Variants in GOLM2 observed in about 807,000 individuals in gnomAD.
GOLM2 encodes golgi membrane protein 2, also known as protein GOLM2.
GOLM2 carries 26 observed loss-of-function variants against 55.9 expected under a neutral mutation model. The ratio of observed to expected loss-of-function variants is 0.47; its 90% CI spans 0.34 to 0.65. The LOEUF (loss-of-function observed/expected upper bound fraction) is 0.65. GOLM2 is among the 30% of genes least tolerant of loss of function. The probability of loss-of-function intolerance (pLI) is 0.01; values close to 1 mark genes in which losing one functional copy is unlikely to be tolerated. For missense variants in GOLM2, 486 were observed against 531.8 expected (o/e 0.91, Z 0.85); for synonymous variants, 165 against 194.6 (o/e 0.85, Z 1.27).
intron 1 of GOLM2, among the ~76,000 whole-genome samples, chr15:44,318,818 T>C (rs1049786132): frequency 9.2e-5 from 14 of 152,182 alleles, no homozygotes; most frequent in Non-Finnish European, 1.6e-4. Flanking sequence ...AGACCCTTCA[T>C]AATTGTGAAC....
chr15:44,295,878 AAC>A (rs1393976275), intron 1 of GOLM2, among the ~76,000 whole-genome samples: 2 of 151,452 alleles, frequency 1.3e-5, no homozygotes, highest in Admixed American at 6.6e-5. Context: ...ATTTGGGGGA[AAC>A]ACAGTTCATC....
At chr15:44,337,617 T>C (rs764086731) in intron 4 of GOLM2, 146 bp from the exon 5 acceptor site, 6 of 561,022 alleles carry the variant, frequency 1.1e-5, no homozygotes, top group Non-Finnish European at 1.5e-5. Context: ...CAGAAAATAA[T>C]GTATCCTGCA....
rs1813548695 is a variant in GOLM2 at position 44,338,306 on chromosome 15, A to G, written c.791A>G (p.Asp264Gly). The G allele has an allele frequency of 1.9e-6, 3 of 1,612,608 alleles. No homozygotes were observed. Among genetic ancestry groups the G allele is most frequent in the African/African-American group, 2.7e-5 (2 of 74,906 alleles). The change falls in exon 6 of 10, where the codon GAT (aspartate) becomes GGT (glycine). Residue 264 changes from aspartate to glycine, a missense_variant. Asp to Gly is a moderately conservative substitution (Grantham distance 94). Coordinates refer to ENST00000299957, the MANE Select transcript of GOLM2 (RefSeq NM_138423.4). ...GAGAATGACCTAGCAAAAGTTGATG[A>G]TCTTCCCCCTGGTAAGTAAAAATTG... ...IEENDLAKVD[D>G]LPPALRKPPI...
chr15:44,385,938 G>A (rs1229467982), intron 8 of GOLM2, among the ~76,000 whole-genome samples: 1 of 152,188 alleles, frequency 6.6e-6, no homozygotes, highest in Non-Finnish European at 1.5e-5. Flanking sequence ...CTGGTTACTA[G>A]ACCCTAATCA....
At chr15:44,412,859 CAGGCATGG>C (rs1315935005) in intron 9 of GOLM2, among the ~76,000 whole-genome samples, 3 of 151,922 alleles carry the variant, frequency 2.0e-5, no homozygotes, top group East Asian at 3.9e-4. Flanking sequence ...AGAAATTAGC[CAGGCATGG>C]TGACAGGTGC....
intron 1 of GOLM2, among the ~76,000 whole-genome samples, chr15:44,311,728 C>A (rs2078876601): frequency 6.6e-6 from 1 of 152,142 alleles, no homozygotes; most frequent in South Asian, 2.1e-4. Context: ...TGGCTCACTG[C>A]AACCTCTGCC....
At chr15:44,319,105 G>A (rs984973401) in intron 1 of GOLM2, among the ~76,000 whole-genome samples, 11 of 152,138 alleles carry the variant, frequency 7.2e-5, no homozygotes, top group Admixed American at 2.0e-4. Context: ...CTGTAGAACC[G>A]AATGATAGCA....
chr15:44,327,592 CT>C (rs142367829), intron 2 of GOLM2, among the ~76,000 whole-genome samples: 10,087 of 152,106 alleles, frequency 0.066, 581 homozygotes, highest in African/African-American at 0.16. Context: ...GTATAGGCCC[CT>C]GTTTTCATTT....
At chr15:44,380,432 T>C (rs1279094081) in intron 7 of GOLM2, among the ~76,000 whole-genome samples, 1 of 152,100 alleles carries the variant, frequency 6.6e-6, no homozygotes, top group Admixed American at 6.6e-5. Context: ...AGAGTAGAAA[T>C]TTCAAAAGCC....
intron 1 of GOLM2, among the ~76,000 whole-genome samples, chr15:44,290,641 A>G (rs979757014): frequency 1.3e-5 from 2 of 152,218 alleles, no homozygotes; most frequent in African/African-American, 2.4e-5. Context: ...GTAGAAATCC[A>G]TGAAAGTTTG....
intron 8 of GOLM2, among the ~76,000 whole-genome samples, chr15:44,395,610 G>A (rs1275318021): frequency 6.6e-6 from 1 of 151,804 alleles, no homozygotes; most frequent in African/African-American, 2.4e-5. Context: ...GGGAGGCCAA[G>A]GCGGGCGAAT....
chr15:44,357,669 C>T (rs548086959), intron 6 of GOLM2, among the ~76,000 whole-genome samples: 4 of 152,218 alleles, frequency 2.6e-5, no homozygotes, highest in African/African-American at 7.2e-5. Flanking sequence ...CTGACAAAAA[C>T]GCTCCTGGAA....
chr15:44,292,306 T>C (rs547124864), intron 1 of GOLM2, among the ~76,000 whole-genome samples: 1 of 151,156 alleles, frequency 6.6e-6, no homozygotes, highest in East Asian at 2.0e-4. Flanking sequence ...CACGCCATTC[T>C]CTGCTTCAGC....
chr15:44,353,841 G>A (rs2079180593), intron 6 of GOLM2, among the ~76,000 whole-genome samples: 2 of 152,152 alleles, frequency 1.3e-5, no homozygotes, highest in Admixed American at 1.3e-4. Context: ...ACAAAAAATA[G>A]AAAGAATGAA....
chr15:44,361,189 G>A (rs1177818418), intron 6 of GOLM2, among the ~76,000 whole-genome samples: 2 of 150,286 alleles, frequency 1.3e-5, no homozygotes, highest in Admixed American at 6.6e-5. Flanking sequence ...CAGAAGGCAA[G>A]AAATAACTAA....
At chr15:44,313,963 C>T (rs944054269) in intron 1 of GOLM2, among the ~76,000 whole-genome samples, 17 of 152,024 alleles carry the variant, frequency 1.1e-4, no homozygotes, top group African/African-American at 4.1e-4. Context: ...GGGGGCCAGG[C>T]GCAGTGGCTC....
intron 9 of GOLM2, chr15:44,409,450 G>A (rs1442618469): frequency 2.0e-5 from 3 of 150,732 alleles, no homozygotes; most frequent in East Asian, 1.9e-4. Context: ...TTAGCTGGGC[G>A]TGATGGCGGG....
At chr15:44,404,027 G>A (rs995376916) in intron 9 of GOLM2, among the ~76,000 whole-genome samples, 2 of 152,162 alleles carry the variant, frequency 1.3e-5, no homozygotes, top group Non-Finnish European at 2.9e-5. Context: ...CCCTACCCAT[G>A]CATGCATATC....
chr15:44,302,960 G>C (rs374646939), intron 1 of GOLM2, among the ~76,000 whole-genome samples: 26 of 152,106 alleles, frequency 1.7e-4, no homozygotes, highest in African/African-American at 6.3e-4. Flanking sequence ...AAAATTAGCC[G>C]GGCGTAGTGG....
Sources: gnomAD v4.1 joint callset for allele counts (sites outside exome capture counted in the v4.1 genomes callset) on GRCh38, gnomAD v4.1.1 for gene constraint, MANE v1.5 for transcripts, NCBI Gene and HGNC (gene_info 2026-07-23, HGNC 2026-07-21) for gene names.